CPT1A: variants seen among roughly 807,000 people sequenced by gnomAD.
CPT1A encodes the protein carnitine palmitoyltransferase 1A.
CPT1A carries 64 observed loss-of-function variants against 100.8 expected under a neutral mutation model. That is an observed-to-expected ratio of 0.63 (90% CI 0.52 to 0.78). CPT1A has a LOEUF of 0.78. CPT1A is among the 30% of genes least tolerant of loss of function. CPT1A has a pLI of 0.00. For synonymous variants in CPT1A, 363 were observed against 396.0 expected (o/e 0.92, Z 0.99); for missense variants, 802 against 1,034.1 (o/e 0.78, Z 3.08).
intron 5 of CPT1A, among the ~76,000 whole-genome samples, chr11:68,802,915 A>G (rs1010684103): frequency 3.3e-5 from 5 of 150,282 alleles, no homozygotes; most frequent in African/African-American, 7.5e-5. Context: ...AAAAAAAAAA[A>G]AAAAAGAAAA....
At position 68,755,392 on chromosome 11, in the gene CPT1A, G is replaced by C. The variant is rs113910026; in HGVS notation, c.*2252C>G. 890 of 155,440 alleles carry C rather than the reference G, an allele frequency of 5.7e-3. 8 individuals carry two copies. The highest frequency in any genetic ancestry group is 0.02 in the African/African-American group (828 of 41,614). 9.6% of individuals were successfully genotyped at this position (155,440 alleles called of 1,614,324 possible). On this transcript the variant is annotated 3_prime_UTR_variant, in exon 19 of 19. Coordinates refer to ENST00000265641, the MANE Select transcript of CPT1A (RefSeq NM_001876.4). ...CGCTGCCTGCTTGACGGACAGTCAG[G>C]GGCTTTTGTTGTTGGTTTGTTTTTG...
At chr11:68,834,666 A>G (rs1462297717) in intron 1 of CPT1A, among the ~76,000 whole-genome samples, 1 of 152,012 alleles carries the variant, frequency 6.6e-6, no homozygotes, top group Non-Finnish European at 1.5e-5. Context: ...ACTCGAGCCC[A>G]GGAGTTTGAG....
Position 68,815,373 on chromosome 11 carries a change from A to G in CPT1A, c.102T>C (p.Ser34=). The change falls in exon 2 of 19, where the codon TCT becomes TCC. Residue 34 remains serine (S), a synonymous_variant. Coordinates refer to ENST00000265641, the MANE Select transcript of CPT1A (RefSeq NM_001876.4). ...ACTTCTTTTTCCAGGAATGAAGTCC[A>G]GAGAGATAGATTTGTCTAAGAGCTT... is the stretch of plus-strand genomic sequence containing the variant. ...SHEALRQIYL[S]GLHSWKKKFI... is the part of the protein sequence containing the mutation. 6.2e-7 allele frequency: 1 copy of G among 1,614,232 alleles called. No individual in the cohort carries two copies. Among genetic ancestry groups the G allele is most frequent in the Non-Finnish European group, 8.5e-7 (1 of 1,180,042 alleles).
At chr11:68,763,969 G>T (rs1480228978) in intron 14 of CPT1A, among the ~76,000 whole-genome samples, 2 of 152,016 alleles carry the variant, frequency 1.3e-5, no homozygotes, top group Non-Finnish European at 2.9e-5. Context: ...CCCACACCCA[G>T]AGAATAGAAA....
intron 1 of CPT1A, 49 bp from the exon 2 acceptor site, chr11:68,815,536 A>G (rs1856361723): frequency 1.3e-6 from 2 of 1,582,238 alleles, no homozygotes; most frequent in African/African-American, 1.3e-5. Flanking sequence ...GTGACCAGAC[A>G]CTAAAAAACC....
In CPT1A at chr11:68,815,460, G is replaced by A; in HGVS notation, c.15C>T (p.His5=). 1 of 1,614,116 alleles carries A rather than the reference G, an allele frequency of 6.2e-7. No individual in the cohort carries two copies. Among genetic ancestry groups the A allele is most frequent in the Non-Finnish European group, 8.5e-7 (1 of 1,180,016 alleles). The change falls in exon 2 of 19, where the codon CAC becomes CAT. Residue 5 remains histidine (H), a synonymous_variant. Coordinates refer to ENST00000265641, the MANE Select transcript of CPT1A (RefSeq NM_001876.4). MAEA[H]QAVAFQFTVT... ...CCGTGAACTGAAAGGCCACAGCTTG[G>A]TGAGCTTCTGCCATCTTCAGAGAGT...
At chr11:68,840,910 C>T (rs1485371492) in intron 1 of CPT1A, among the ~76,000 whole-genome samples, 1 of 151,876 alleles carries the variant, frequency 6.6e-6, no homozygotes, top group Non-Finnish European at 1.5e-5. Flanking sequence ...GCTCCCAGCC[C>T]GGCACGACCT....
At chr11:68,804,831 G>A (rs1354365644) in intron 4 of CPT1A, among the ~76,000 whole-genome samples, 1 of 152,212 alleles carries the variant, frequency 6.6e-6, no homozygotes, top group Non-Finnish European at 1.5e-5. Flanking sequence ...AGGGGAAGCA[G>A]TTTCTTTCCT....
rs372015862 is a variant in CPT1A at position 68,754,891 on chromosome 11, G to C, written c.*2753C>G. 1.3e-6 allele frequency: 1 copy of C among 778,788 alleles called. No individual in the cohort carries two copies. Among genetic ancestry groups the C allele is most frequent in the Non-Finnish European group, 2.4e-6 (1 of 416,628 alleles). The allele number at this position is 778,788 out of a possible 1,614,324, so 48.2% of individuals were successfully genotyped here. On this transcript the variant is annotated 3_prime_UTR_variant, in exon 19 of 19. Coordinates refer to ENST00000265641, the MANE Select transcript of CPT1A (RefSeq NM_001876.4). ...AGAGACAGAAACAAATCTTGTAGTA[G>C]ACTGGGGTTAATGTTTTATTAATGA...
chr11:68,812,323 A>G (rs774907406), intron 3 of CPT1A, 114 bp downstream of exon 3: 31 of 1,417,660 alleles, frequency 2.2e-5, no homozygotes, highest in Admixed American at 3.4e-5. Flanking sequence ...GAACAGCATC[A>G]GGAGCTTCAT....
Position 68,765,401 on chromosome 11 carries a change from A to T in CPT1A, c.1741-2640T>A, listed in dbSNP as rs557655338. ...CCCACTGGAGCTCAGACGCCATCAA[A>T]GAGCCAAACCAGGTTACAACTGCAG... On this transcript the variant is annotated intron_variant, in intron 14 of 18. Transcript: ENST00000265641. 2.0e-5 allele frequency among the ~76,000 whole-genome samples: 3 copies of T among 152,332 alleles called. No homozygotes were observed. In the East Asian group the frequency reaches 5.8e-4, roughly 29 times the overall value.
Position 68,792,407 on chromosome 11 carries a change from G to C in CPT1A, c.967+908C>G, listed in dbSNP as rs1855641613. Among the ~76,000 whole-genome samples the C allele has an allele frequency of 5.3e-5, 8 of 152,292 alleles. 1 individual carries two copies. In the South Asian group the frequency reaches 1.4e-3, roughly 28 times the overall value. The stretch of plus-strand genomic sequence containing the variant: ...CAGCCAGCTTCCCAAGCAGCCCCGA[G>C]GCCCGCCCGTCATACAGGCCTGCCA... On this transcript the variant is annotated intron_variant, in intron 9 of 18. Transcript: ENST00000265641.
intron 1 of CPT1A, among the ~76,000 whole-genome samples, chr11:68,824,892 G>A (rs60019441): frequency 0.037 from 5,315 of 145,164 alleles, 313 homozygotes; most frequent in African/African-American, 0.13. Flanking sequence ...TTTGCCTCCC[G>A]GGTTCAAGCA....
chr11:68,775,094 C>T (rs1855106812), intron 13 of CPT1A, among the ~76,000 whole-genome samples: 1 of 152,142 alleles, frequency 6.6e-6, no homozygotes, highest in Non-Finnish European at 1.5e-5. Context: ...TAGCCAGGAG[C>T]TTCAAACAGA....
chr11:68,807,118 GGGGTCAGCT>G (rs1256260222), intron 4 of CPT1A, among the ~76,000 whole-genome samples: 1 of 152,080 alleles, frequency 6.6e-6, no homozygotes, highest in Non-Finnish European at 1.5e-5. Flanking sequence ...GCCTGTCTGA[GGGGTCAGCT>G]AAGGTAACCA....
chr11:68,761,790 T>C, intron 15 of CPT1A, 103 bp from the exon 16 acceptor site: 2 of 1,388,056 alleles, frequency 1.4e-6, no homozygotes, highest in Non-Finnish European at 2.0e-6. Context: ...TTGTTATTTT[T>C]AGTAGAGACG....
At chr11:68,762,276 C>T (rs1239276224) in intron 15 of CPT1A, among the ~76,000 whole-genome samples, 2 of 152,222 alleles carry the variant, frequency 1.3e-5, no homozygotes, top group Non-Finnish European at 2.9e-5. Flanking sequence ...GTGCGACAGT[C>T]ACAGCTCACC....
Position 68,807,447 on chromosome 11 carries a change from C to A in CPT1A, c.453+20G>T. The stretch of plus-strand genomic sequence containing the variant: ...CCCAAACTGTCCACCCCCTCCACAG[C>A]CAGAGGGACACGCAATTACCATCCA... On this transcript the variant is annotated intron_variant, in intron 4 of 18. Coordinates refer to ENST00000265641, the MANE Select transcript of CPT1A (RefSeq NM_001876.4). 1 of 1,611,576 alleles carries A rather than the reference C, an allele frequency of 6.2e-7. No homozygotes were observed. The highest frequency in any genetic ancestry group is 8.5e-7 in the Non-Finnish European group (1 of 1,178,604).
At chr11:68,835,790 A>T (rs1856993296) in intron 1 of CPT1A, among the ~76,000 whole-genome samples, 1 of 152,102 alleles carries the variant, frequency 6.6e-6, no homozygotes, top group Non-Finnish European at 1.5e-5. Context: ...GAAAGAAAAC[A>T]CACAGATCTG....
Sources: allele counts gnomAD v4.1 joint callset (sites outside exome capture counted in the v4.1 genomes callset), GRCh38; gene constraint gnomAD v4.1.1; transcripts MANE v1.5; gene names NCBI Gene and HGNC (gene_info 2026-07-23, HGNC 2026-07-21).